Variants in PRPS2 observed in about 807,000 individuals in gnomAD.
PRPS2 encodes ribose-phosphate pyrophosphokinase 2.
For missense variants in PRPS2, 104 were observed against 271.5 expected (o/e 0.38, Z 4.34); for synonymous variants, 111 against 115.3 (o/e 0.96, Z 0.24).
chrX:12,817,248 A>C (rs780814315), intron 4 of PRPS2, among the ~76,000 whole-genome samples: 11 of 111,096 alleles, frequency 9.9e-5, no homozygotes, highest in African/African-American at 3.6e-4. Context: ...ACATATTTGC[A>C]AAAAGTTGCA....
chrX:12,795,678 T>G (rs957378244), intron 1 of PRPS2, among the ~76,000 whole-genome samples: 2 of 112,223 alleles, frequency 1.8e-5, no homozygotes, highest in Admixed American at 1.9e-4. Context: ...ACTCTAGCAA[T>G]GATGACGTTA....
At chrX:12,812,842 C>T (rs2042630817) in intron 4 of PRPS2, among the ~76,000 whole-genome samples, 1 of 111,442 alleles carries the variant, frequency 9.0e-6, no homozygotes, top group African/African-American at 3.3e-5. Flanking sequence ...CAGGAATCTA[C>T]TTTCTATCTT....
At chrX:12,809,140 C>A in intron 2 of PRPS2, 94 bp from the exon 3 acceptor site, 1 of 777,790 alleles carries the variant, frequency 1.3e-6, no homozygotes. Flanking sequence ...TCGTTGATTG[C>A]ATCTATGATT....
At chrX:12,798,053 C>T (rs1488681260) in intron 1 of PRPS2, among the ~76,000 whole-genome samples, 1 of 111,795 alleles carries the variant, frequency 8.9e-6, no homozygotes, top group Non-Finnish European at 1.9e-5. Flanking sequence ...GGAGGGATGC[C>T]TGCAAGACGA....
intron 1 of PRPS2, among the ~76,000 whole-genome samples, chrX:12,798,809 T>G (rs1257861810): frequency 9.0e-6 from 1 of 111,124 alleles, no homozygotes; most frequent in African/African-American, 3.3e-5. Context: ...TGCCTGTGAG[T>G]CTGACATTTT....
chrX:12,810,154 G>GT lies in PRPS2; in HGVS notation c.530+8_530+9insT. The stretch of plus-strand genomic sequence containing the variant: ...CGCAGGGGGAGCCAAAAGGTATCAT[G>GT]CAGGCTACACCTTGCAGATTTCTCC... On this transcript the variant is annotated intron_variant, in intron 4 of 6. Transcript: ENST00000380668. 8.3e-7 allele frequency: 1 copy of GT among 1,211,485 alleles called. No homozygotes were observed. Among genetic ancestry groups the GT allele is most frequent in the Admixed American group, 2.2e-5 (1 of 45,974 alleles).
intron 4 of PRPS2, among the ~76,000 whole-genome samples, chrX:12,815,637 G>A (rs190859894): frequency 1.7e-3 from 186 of 111,352 alleles, no homozygotes; most frequent in African/African-American, 5.6e-3. Context: ...AGAACTGTAC[G>A]TGTTTTTTTG....
At chrX:12,807,159 G>A (rs1569095879) in intron 2 of PRPS2, among the ~76,000 whole-genome samples, 1 of 112,400 alleles carries the variant, frequency 8.9e-6, no homozygotes, top group East Asian at 2.8e-4. Context: ...CCAAGACCAA[G>A]CACTAGCATT....
intron 3 of PRPS2, among the ~76,000 whole-genome samples, 173 bp downstream of exon 3, chrX:12,809,505 C>A (rs1473451204): frequency 9.0e-6 from 1 of 111,574 alleles, no homozygotes; most frequent in Non-Finnish European, 1.9e-5. Flanking sequence ...CACCACCTTG[C>A]CCCCCAGTCA....
rs1555902194 is a variant in PRPS2 at position 12,796,236 on chromosome X, T to TTTTTTTC, written c.123-2970_123-2969insTTTTTCT. On this transcript the variant is annotated intron_variant, in intron 1 of 6. Transcript: ENST00000380668. ...CTCTTTTTTTTTTTTTTTTTTTTTT[T>TTTTTTTC]TGAGACAGAGTTTCACTTTTGTTGC... Among the ~76,000 whole-genome samples the TTTTTTTC allele has an allele frequency of 5.5e-5, 4 of 72,493 alleles. 1 individual carries two copies. The highest frequency in any genetic ancestry group is 7.9e-5 in the Non-Finnish European group (3 of 38,178). The allele number at this position is 72,493 out of a possible 115,157, so 63.0% of individuals were successfully genotyped here.
rs1413739786 is a variant in PRPS2 at position 12,819,623 on chromosome X, C to T, written c.647C>T (p.Ala216Val). The T allele has an allele frequency of 1.7e-6, 2 of 1,211,591 alleles. No individual in the cohort carries two copies. ...GTGGGCGACGTGAAGGACCGTGTGG[C>T]CATCCTCGTGGATGACATGGCTGAC... is the stretch of plus-strand genomic sequence containing the variant. The part of the protein sequence containing the change: ...VLVGDVKDRV[A>V]ILVDDMADTC... The change falls in exon 5 of 7, where the codon GCC becomes GTC. Residue 216 changes from alanine to valine, a missense_variant. Physicochemically the swap from Ala to Val is moderately conservative, Grantham distance 64. Transcript: ENST00000380668.
intron 4 of PRPS2, among the ~76,000 whole-genome samples, chrX:12,810,910 C>T (rs1194324848): frequency 9.0e-6 from 1 of 110,952 alleles, no homozygotes; most frequent in Non-Finnish European, 1.9e-5. Context: ...GATTTCTAGC[C>T]AAAAGCCAGG....
intron 5 of PRPS2, among the ~76,000 whole-genome samples, chrX:12,820,175 A>G (rs2042668687): frequency 8.9e-6 from 1 of 112,724 alleles, no homozygotes; most frequent in African/African-American, 3.2e-5. Context: ...ATATGAAACA[A>G]TGAATATATA....
intron 6 of PRPS2, among the ~76,000 whole-genome samples, chrX:12,821,529 TAAAC>T (rs1165808481): frequency 1.8e-5 from 2 of 111,607 alleles, no homozygotes; most frequent in African/African-American, 6.5e-5. Flanking sequence ...AGTTTGGAAA[TAAAC>T]AATGGTGATA....
At chrX:12,814,878 A>G (rs1397212461) in intron 4 of PRPS2, among the ~76,000 whole-genome samples, 2 of 112,438 alleles carry the variant, frequency 1.8e-5, no homozygotes, top group African/African-American at 6.5e-5. Flanking sequence ...CAGTGATGCC[A>G]CTATGAATAA....
chrX:12,802,415 C>T (rs1279962619), intron 2 of PRPS2, among the ~76,000 whole-genome samples: 3 of 112,112 alleles, frequency 2.7e-5, no homozygotes, highest in East Asian at 5.5e-4. Flanking sequence ...GCCGTCTCAG[C>T]TCACTGCAAC....
chrX:12,822,898 T>A lies in PRPS2; in HGVS notation c.*102T>A. ...TATTCAGCAATGATAGGTTAATCAC[T>A]GGCAAAAGCATCAGATCTTTGTATA... On this transcript the variant is annotated 3_prime_UTR_variant, in exon 7 of 7. Transcript: ENST00000380668. The A allele has an allele frequency of 1.7e-6, 1 of 582,704 alleles. No individual in the cohort carries two copies. The highest frequency in any genetic ancestry group is 2.9e-6 in the Non-Finnish European group (1 of 349,565). The allele number at this position is 582,704 out of a possible 1,213,427, so 48.0% of individuals were successfully genotyped here.
chrX:12,821,014 G>A (rs914668020), intron 6 of PRPS2, among the ~76,000 whole-genome samples: 1 of 112,179 alleles, frequency 8.9e-6, no homozygotes, highest in African/African-American at 3.2e-5. Context: ...TAGAAATAGA[G>A]AGTGAAGAAA....
chrX:12,795,867 G>A (rs1334006252), intron 1 of PRPS2, among the ~76,000 whole-genome samples: 1 of 111,915 alleles, frequency 8.9e-6, no homozygotes, highest in Non-Finnish European at 1.9e-5. Context: ...AAAGCAGTTA[G>A]ATTTAGCTCC....
Sources: gnomAD v4.1 joint callset for allele counts (sites outside exome capture counted in the v4.1 genomes callset) on GRCh38, gnomAD v4.1.1 for gene constraint, MANE v1.5 for transcripts, NCBI Gene and HGNC (gene_info 2026-07-23, HGNC 2026-07-21) for gene names.